The following EYS variants were observed in gnomAD, a reference collection of about 807,000 sequenced individuals.
The protein encoded by EYS is EGF-like photoreceptor maintenance factor.
A neutral mutation model predicts 282.1 loss-of-function variants in EYS; 250 were observed. The observed-to-expected ratio is 0.89, with a 90% CI of 0.80 to 0.98. The LOEUF (loss-of-function observed/expected upper bound fraction) is 0.98. Among genes scored for constraint, EYS ranks in the 50% least tolerant of loss-of-function variants. EYS has a pLI of 0.00. For synonymous variants in EYS, 1,355 were observed against 1,282.9 expected (o/e 1.06, Z -1.20); for missense variants, 4,016 against 3,709.0 (o/e 1.08, Z -2.15).
chr6:64,172,458 G>A (rs186228768), intron 31 of EYS, among the ~76,000 whole-genome samples: 72 of 152,226 alleles, frequency 4.7e-4, no homozygotes, highest in African/African-American at 1.5e-3. Context: ...ACGCGTGAGC[G>A]AAATCAACAC....
intron 35 of EYS, among the ~76,000 whole-genome samples, chr6:63,974,542 G>A (rs1766741733): frequency 6.6e-6 from 1 of 151,944 alleles, no homozygotes; most frequent in South Asian, 2.1e-4. Flanking sequence ...AGTTCTCCAT[G>A]TATTATTACC....
At chr6:63,895,951 G>T (rs1773529086) in intron 35 of EYS, among the ~76,000 whole-genome samples, 1 of 134,820 alleles carries the variant, frequency 7.4e-6, no homozygotes, top group Non-Finnish European at 1.5e-5. Context: ...CTTTTTATAA[G>T]CTTGACAGAA....
At chr6:64,637,621 C>A (rs1768026184) in intron 22 of EYS, among the ~76,000 whole-genome samples, 1 of 89,424 alleles carries the variant, frequency 1.1e-5, no homozygotes, top group South Asian at 4.7e-4. Flanking sequence ...AAAGAGATAA[C>A]AAGCAAATGG....
At chr6:64,697,664 C>T (rs1770629408) in intron 22 of EYS, among the ~76,000 whole-genome samples, 1 of 152,138 alleles carries the variant, frequency 6.6e-6, no homozygotes, top group African/African-American at 2.4e-5. Context: ...AAATTGCAGG[C>T]CAGACACGGT....
At chr6:65,705,821 C>G (rs1769858538) in intron 1 of EYS, among the ~76,000 whole-genome samples, 1 of 151,936 alleles carries the variant, frequency 6.6e-6, no homozygotes, top group Admixed American at 6.6e-5. Context: ...CCAATTAAAA[C>G]TATTAAGTTA....
chr6:65,244,522 T>C (rs1767131263), intron 12 of EYS, among the ~76,000 whole-genome samples: 1 of 151,974 alleles, frequency 6.6e-6, no homozygotes, highest in Admixed American at 6.6e-5. Context: ...ATTTATTTAT[T>C]TATTATTTGA....
chr6:65,425,203 G>T (rs972697168), intron 5 of EYS, among the ~76,000 whole-genome samples: 1 of 152,006 alleles, frequency 6.6e-6, no homozygotes, highest in Non-Finnish European at 1.5e-5. Flanking sequence ...AATAATGATG[G>T]TAAAGGGTAC....
chr6:63,896,431 A>G (rs933253930), intron 35 of EYS, among the ~76,000 whole-genome samples: 15 of 152,180 alleles, frequency 9.9e-5, no homozygotes, highest in African/African-American at 3.6e-4. Context: ...TTATGTTCAC[A>G]GCAAAATAGA....
At chr6:65,545,689 A>C (rs532348503) in intron 2 of EYS, among the ~76,000 whole-genome samples, 115 of 152,166 alleles carry the variant, frequency 7.6e-4, no homozygotes, top group Non-Finnish European at 1.4e-3. Flanking sequence ...AATCAAAATA[A>C]GCTACATATT....
intron 22 of EYS, among the ~76,000 whole-genome samples, chr6:64,790,346 G>T (rs2149999819): frequency 6.6e-6 from 1 of 151,664 alleles, no homozygotes; most frequent in African/African-American, 2.4e-5. Context: ...CCTAAAAGTT[G>T]AAAAACAAAT....
chr6:65,129,083 G>A (rs1775796964), intron 12 of EYS, among the ~76,000 whole-genome samples: 2 of 151,940 alleles, frequency 1.3e-5, no homozygotes, highest in South Asian at 4.1e-4. Context: ...TTCAATAAAT[G>A]GTGGGTGCTG....
intron 13 of EYS, among the ~76,000 whole-genome samples, chr6:65,004,871 C>A (rs984960707): frequency 6.8e-6 from 1 of 147,770 alleles, no homozygotes; most frequent in African/African-American, 2.4e-5. Context: ...TAACAAAGTA[C>A]CAGCAGGTAG....
At chr6:64,382,898 G>T (rs1389301254) in intron 29 of EYS, among the ~76,000 whole-genome samples, 1 of 151,738 alleles carries the variant, frequency 6.6e-6, no homozygotes, top group Non-Finnish European at 1.5e-5. Context: ...AAAGTGGAGT[G>T]GTGGGAAAAG....
chr6:64,318,883 C>T (rs1177453336), intron 29 of EYS, among the ~76,000 whole-genome samples: 1 of 151,750 alleles, frequency 6.6e-6, no homozygotes, highest in East Asian at 1.9e-4. Context: ...TCCAGCACCT[C>T]AAGCAATCAT....
intron 34 of EYS, among the ~76,000 whole-genome samples, chr6:63,988,626 G>A (rs942159196): frequency 6.6e-6 from 1 of 151,546 alleles, no homozygotes; most frequent in Admixed American, 6.6e-5. Flanking sequence ...AAGGAGACAG[G>A]TCTTTAACAT....
chr6:64,687,071 T>C (rs1324973914), intron 22 of EYS, among the ~76,000 whole-genome samples: 1 of 151,102 alleles, frequency 6.6e-6, no homozygotes, highest in African/African-American at 2.4e-5. Context: ...AGTCCTCATA[T>C]GTATTAAAGA....
chr6:64,368,717 CTGTT>C (rs769116774), intron 29 of EYS, among the ~76,000 whole-genome samples: 18 of 152,058 alleles, frequency 1.2e-4, no homozygotes, highest in South Asian at 2.1e-4. Context: ...CTTTTGAAAA[CTGTT>C]TGTTCATGTC....
chr6:65,010,237 T>C (rs1771823166), intron 13 of EYS, among the ~76,000 whole-genome samples: 1 of 152,206 alleles, frequency 6.6e-6, no homozygotes, highest in Admixed American at 6.5e-5. Context: ...GTTGGCCTCA[T>C]GGTTTACAGG....
intron 22 of EYS, among the ~76,000 whole-genome samples, chr6:64,690,667 A>G (rs781413462): frequency 2.6e-5 from 4 of 152,190 alleles, no homozygotes; most frequent in Non-Finnish European, 5.9e-5. Flanking sequence ...GGATGAGTTT[A>G]TGTCCTTTGT....
Sources: gnomAD v4.1 joint callset for allele counts (sites outside exome capture counted in the v4.1 genomes callset) on GRCh38, gnomAD v4.1.1 for gene constraint, MANE v1.5 for transcripts, NCBI Gene and HGNC (gene_info 2026-07-23, HGNC 2026-07-21) for gene names.